Variants in CACNB2 observed in about 807,000 individuals in gnomAD.
The protein encoded by CACNB2 is calcium voltage-gated channel auxiliary subunit beta 2, also known as voltage-dependent L-type calcium channel subunit beta-2.
Under a neutral mutation model 73.3 loss-of-function variants are expected in CACNB2, and 42 were observed. The ratio of observed to expected loss-of-function variants is 0.57; its 90% CI spans 0.45 to 0.74. The LOEUF (loss-of-function observed/expected upper bound fraction) is 0.74. CACNB2 is among the 30% of genes least tolerant of loss of function. The pLI is 0.00. For synonymous variants in CACNB2, 348 were observed against 310.3 expected (o/e 1.12, Z -1.28); for missense variants, 940 against 853.0 (o/e 1.10, Z -1.27).
At chr10:18,472,058 A>G (rs1353920976) in intron 3 of CACNB2, among the ~76,000 whole-genome samples, 1 of 151,764 alleles carries the variant, frequency 6.6e-6, no homozygotes, top group Non-Finnish European at 1.5e-5. Flanking sequence ...CACTGCCCCC[A>G]TTCCTATCCA....
chr10:18,282,739 C>G (rs1249300421), intron 2 of CACNB2, among the ~76,000 whole-genome samples: 1 of 152,044 alleles, frequency 6.6e-6, no homozygotes, highest in Non-Finnish European at 1.5e-5. Context: ...GTTCATTCAC[C>G]TAGTATATTA....
intron 2 of CACNB2, among the ~76,000 whole-genome samples, chr10:18,392,249 A>T (rs2043512501): frequency 6.6e-6 from 1 of 152,120 alleles, no homozygotes; most frequent in South Asian, 2.1e-4. Flanking sequence ...AACAAAGGAG[A>T]CTTAGAAGGA....
chr10:18,231,909 C>T (rs1176768195), intron 2 of CACNB2, among the ~76,000 whole-genome samples: 3 of 152,226 alleles, frequency 2.0e-5, no homozygotes, highest in East Asian at 1.9e-4. Context: ...TTGTACAACT[C>T]TTAGCAGTGA....
At chr10:18,436,362 G>A (rs2046137800) in intron 3 of CACNB2, among the ~76,000 whole-genome samples, 2 of 152,092 alleles carry the variant, frequency 1.3e-5, no homozygotes, top group East Asian at 1.9e-4. Context: ...GAGCCTTCTC[G>A]GATAGTCTGT....
At chr10:18,181,979 G>A (rs189417394) in intron 2 of CACNB2, 1 of 152,220 alleles carries the variant, frequency 6.6e-6, no homozygotes, top group Non-Finnish European at 1.5e-5. Flanking sequence ...GTGACCCTGT[G>A]GGGTTCTCCT....
chr10:18,314,650 TAC>T (rs2040089471), intron 2 of CACNB2, among the ~76,000 whole-genome samples: 1 of 152,082 alleles, frequency 6.6e-6, no homozygotes, highest in African/African-American at 2.4e-5. Context: ...TGCCCTCAGT[TAC>T]CATTCAAAAA....
At chr10:18,388,247 A>C (rs2043316361) in intron 2 of CACNB2, among the ~76,000 whole-genome samples, 1 of 152,232 alleles carries the variant, frequency 6.6e-6, no homozygotes, top group Non-Finnish European at 1.5e-5. Context: ...ACTACTTTTG[A>C]CCAATGGTAT....
intron 3 of CACNB2, among the ~76,000 whole-genome samples, chr10:18,491,780 G>A (rs2132944713): frequency 8.3e-6 from 1 of 120,398 alleles, no homozygotes; most frequent in African/African-American, 3.1e-5. Flanking sequence ...AAAATTCAAT[G>A]ATTCCGTAAG....
intron 2 of CACNB2, among the ~76,000 whole-genome samples, chr10:18,311,022 A>C (rs1391723173): frequency 6.6e-6 from 1 of 152,092 alleles, no homozygotes; most frequent in Non-Finnish European, 1.5e-5. Flanking sequence ...TCATTGCCTC[A>C]TCAGTACTTT....
At chr10:18,402,165 G>C in intron 3 of CACNB2, 122 bp downstream of exon 3, 2 of 1,143,710 alleles carry the variant, frequency 1.7e-6, no homozygotes, top group Non-Finnish European at 2.6e-6. Context: ...TCTGGTTTTA[G>C]AAAGGTACAA....
intron 3 of CACNB2, among the ~76,000 whole-genome samples, chr10:18,486,238 A>G (rs1241744454): frequency 1.3e-5 from 2 of 152,196 alleles, no homozygotes; most frequent in Non-Finnish European, 2.9e-5. Flanking sequence ...CATTTTTATT[A>G]AACTTAGGTA....
intron 3 of CACNB2, among the ~76,000 whole-genome samples, chr10:18,441,783 C>T (rs59515030): frequency 0.04 from 6,008 of 152,036 alleles, 286 homozygotes; most frequent in South Asian, 0.12. Context: ...TATAGGCATG[C>T]GCCACCACAC....
At chr10:18,173,580 T>A (rs2033392022) in intron 2 of CACNB2, among the ~76,000 whole-genome samples, 1 of 152,154 alleles carries the variant, frequency 6.6e-6, no homozygotes, top group African/African-American at 2.4e-5. Context: ...AGTTTTGACT[T>A]GTTTGAGGGT....
intron 2 of CACNB2, among the ~76,000 whole-genome samples, chr10:18,385,776 A>T (rs2043207659): frequency 6.6e-6 from 1 of 151,704 alleles, no homozygotes; most frequent in Admixed American, 6.6e-5. Flanking sequence ...TACATCTTGG[A>T]GATTATTTCA....
At chr10:18,365,046 T>C (rs1207355279) in intron 2 of CACNB2, among the ~76,000 whole-genome samples, 1 of 152,244 alleles carries the variant, frequency 6.6e-6, no homozygotes, top group African/African-American at 2.4e-5. Flanking sequence ...TCCAATCTAC[T>C]TGGGTTAAGG....
chr10:18,214,086 C>T (rs2131362556), intron 2 of CACNB2, among the ~76,000 whole-genome samples: 1 of 152,160 alleles, frequency 6.6e-6, no homozygotes, highest in South Asian at 2.1e-4. Flanking sequence ...TTAAATTTAC[C>T]CCTACACAAC....
intron 2 of CACNB2, among the ~76,000 whole-genome samples, chr10:18,288,328 C>T (rs543604920): frequency 6.6e-6 from 1 of 152,304 alleles, no homozygotes; most frequent in East Asian, 1.9e-4. Flanking sequence ...TCCAGAGTTA[C>T]ATGGTCTAGT....
At chr10:18,309,882 T>A (rs960752496) in intron 2 of CACNB2, among the ~76,000 whole-genome samples, 2 of 152,196 alleles carry the variant, frequency 1.3e-5, no homozygotes, top group Non-Finnish European at 2.9e-5. Context: ...AAAAAGACTA[T>A]TGATAAGATT....
intron 2 of CACNB2, among the ~76,000 whole-genome samples, chr10:18,331,538 C>T (rs1188716317): frequency 2.0e-5 from 3 of 151,500 alleles, no homozygotes; most frequent in East Asian, 1.9e-4. Flanking sequence ...ACTGAGAAGC[C>T]CTAGAGATTA....
Sources: allele counts gnomAD v4.1 joint callset (sites outside exome capture counted in the v4.1 genomes callset), GRCh38; gene constraint gnomAD v4.1.1; transcripts MANE v1.5; gene names NCBI Gene and HGNC (gene_info 2026-07-23, HGNC 2026-07-21).